Variants in MARCHF11 observed in about 807,000 individuals in gnomAD.
The protein encoded by MARCHF11 is E3 ubiquitin-protein ligase MARCHF11.
In MARCHF11, 29 loss-of-function variants were observed where a neutral mutation model predicts 37.3. The observed-to-expected ratio is 0.78, with a 90% CI of 0.58 to 1.06. The LOEUF (loss-of-function observed/expected upper bound fraction) is 1.06. MARCHF11 is among the 50% of genes least tolerant of loss of function. The pLI is 0.00. For missense variants in MARCHF11, 482 were observed against 533.4 expected (o/e 0.90, Z 0.95); for synonymous variants, 233 against 228.0 (o/e 1.02, Z -0.20).
intron 3 of MARCHF11, among the ~76,000 whole-genome samples, chr5:16,069,923 G>A (rs973408061): frequency 5.9e-5 from 9 of 152,090 alleles, no homozygotes; most frequent in African/African-American, 1.9e-4. Flanking sequence ...CCCTTACCAG[G>A]AGGTAAAGAT....
intron 2 of MARCHF11, among the ~76,000 whole-genome samples, chr5:16,135,823 T>TACC (rs1444249804): frequency 1.1e-5 from 1 of 87,982 alleles, no homozygotes; most frequent in Non-Finnish European, 2.3e-5. Flanking sequence ...TGTGGAAAAA[T>TACC]ACATCAAAGA....
At chr5:16,170,362 A>G (rs1055326468) in intron 2 of MARCHF11, among the ~76,000 whole-genome samples, 1 of 140,598 alleles carries the variant, frequency 7.1e-6, no homozygotes, top group Non-Finnish European at 1.6e-5. Flanking sequence ...GATATGTCTC[A>G]CTGGAAGCTT....
intron 3 of MARCHF11, among the ~76,000 whole-genome samples, chr5:16,077,282 C>T (rs961385273): frequency 1.3e-5 from 2 of 152,000 alleles, no homozygotes; most frequent in African/African-American, 4.8e-5. Context: ...GTGGGCTTTT[C>T]CTAGTGGCAA....
At chr5:16,134,231 G>A (rs954108095) in intron 2 of MARCHF11, among the ~76,000 whole-genome samples, 3 of 152,062 alleles carry the variant, frequency 2.0e-5, no homozygotes, top group African/African-American at 7.2e-5. Flanking sequence ...ATATTGCTGT[G>A]GTTTACTGTG....
At chr5:16,136,207 G>A (rs984927351) in intron 2 of MARCHF11, among the ~76,000 whole-genome samples, 1 of 151,676 alleles carries the variant, frequency 6.6e-6, no homozygotes, top group Non-Finnish European at 1.5e-5. Flanking sequence ...GAACAAATAG[G>A]ACTAAATAAA....
At chr5:16,110,811 T>C (rs1178898966) in intron 2 of MARCHF11, among the ~76,000 whole-genome samples, 2 of 152,204 alleles carry the variant, frequency 1.3e-5, no homozygotes, top group African/African-American at 4.8e-5. Flanking sequence ...CTACCTGACA[T>C]GGTTTGGCTG....
intron 2 of MARCHF11, among the ~76,000 whole-genome samples, chr5:16,139,141 C>A (rs1231296975): frequency 6.6e-6 from 1 of 152,120 alleles, no homozygotes; most frequent in African/African-American, 2.4e-5. Context: ...ATGTCCCCAC[C>A]CAAATCTTGC....
At chr5:16,111,268 G>A (rs1193267672) in intron 2 of MARCHF11, among the ~76,000 whole-genome samples, 1 of 152,188 alleles carries the variant, frequency 6.6e-6, no homozygotes, top group East Asian at 1.9e-4. Flanking sequence ...AAGAAGACAG[G>A]AAAAGGCAGG....
intron 2 of MARCHF11, among the ~76,000 whole-genome samples, chr5:16,153,070 T>C (rs183527506): frequency 1.3e-5 from 2 of 152,022 alleles, no homozygotes; most frequent in African/African-American, 2.4e-5. Flanking sequence ...TGCTTCACAA[T>C]GTGGCAGAGA....
At chr5:16,101,654 T>G (rs572480383) in intron 2 of MARCHF11, among the ~76,000 whole-genome samples, 36 of 152,360 alleles carry the variant, frequency 2.4e-4, no homozygotes, top group African/African-American at 8.4e-4. Context: ...AGGGGAGCCC[T>G]ATCTAACTAA....
At chr5:16,107,331 T>C (rs1256373740) in intron 2 of MARCHF11, among the ~76,000 whole-genome samples, 1 of 137,536 alleles carries the variant, frequency 7.3e-6, no homozygotes. Context: ...GGAAGCACTA[T>C]TGTTTTTTTT....
chr5:16,121,964 T>C (rs1263103963), intron 2 of MARCHF11, among the ~76,000 whole-genome samples: 1 of 152,196 alleles, frequency 6.6e-6, no homozygotes, highest in Admixed American at 6.5e-5. Flanking sequence ...TTGGTGCTAT[T>C]ATGATGCTCT....
At chr5:16,134,625 A>C (rs543415937) in intron 2 of MARCHF11, among the ~76,000 whole-genome samples, 1 of 152,186 alleles carries the variant, frequency 6.6e-6, no homozygotes, top group Non-Finnish European at 1.5e-5. Flanking sequence ...CACCAAAAAA[A>C]TTATCATGTT....
At chr5:16,113,762 A>G (rs1737185706) in intron 2 of MARCHF11, among the ~76,000 whole-genome samples, 1 of 152,176 alleles carries the variant, frequency 6.6e-6, no homozygotes, top group Non-Finnish European at 1.5e-5. Flanking sequence ...CATTACCTCC[A>G]ATATTTATCA....
At chr5:16,117,934 C>T (rs1225163876) in intron 2 of MARCHF11, among the ~76,000 whole-genome samples, 1 of 152,254 alleles carries the variant, frequency 6.6e-6, no homozygotes, top group East Asian at 1.9e-4. Flanking sequence ...TACTCTACAT[C>T]GTGACAAGTT....
intron 2 of MARCHF11, among the ~76,000 whole-genome samples, chr5:16,173,751 G>A (rs1738311167): frequency 6.6e-6 from 1 of 152,180 alleles, no homozygotes; most frequent in Non-Finnish European, 1.5e-5. Flanking sequence ...CCATCCCTTA[G>A]CTGACTTAAC....
At chr5:16,073,167 A>G (rs1560966611) in intron 3 of MARCHF11, among the ~76,000 whole-genome samples, 1 of 152,186 alleles carries the variant, frequency 6.6e-6, no homozygotes, top group Non-Finnish European at 1.5e-5. Context: ...GTGCTAGAAG[A>G]GCATTTTAGA....
intron 2 of MARCHF11, among the ~76,000 whole-genome samples, chr5:16,099,410 CTT>C (rs1736919963): frequency 6.6e-6 from 1 of 152,042 alleles, no homozygotes; most frequent in South Asian, 2.1e-4. Flanking sequence ...CAAACTATCA[CTT>C]TGTTGATTTT....
At chr5:16,083,398 A>C (rs1736644851) in intron 3 of MARCHF11, among the ~76,000 whole-genome samples, 1 of 152,186 alleles carries the variant, frequency 6.6e-6, no homozygotes, top group Non-Finnish European at 1.5e-5. Flanking sequence ...ACTACCTGAT[A>C]AATTTCATAT....
Sources: gnomAD v4.1 joint callset for allele counts (sites outside exome capture counted in the v4.1 genomes callset) on GRCh38, gnomAD v4.1.1 for gene constraint, MANE v1.5 for transcripts, NCBI Gene and HGNC (gene_info 2026-07-23, HGNC 2026-07-21) for gene names.